ADCY7: variants seen among roughly 807,000 people sequenced by gnomAD.
The protein encoded by ADCY7 is adenylate cyclase 7.
ADCY7 carries 72 observed loss-of-function variants against 120.6 expected under a neutral mutation model. That is an observed-to-expected ratio of 0.60 (90% CI 0.49 to 0.73). The LOEUF is 0.73. ADCY7 is among the 30% of genes least tolerant of loss of function. ADCY7 has a pLI of 0.00. For missense variants in ADCY7, 1,227 were observed against 1,486.0 expected, an observed-to-expected ratio of 0.83 and a Z score of 2.87; for synonymous variants, 661 against 628.0, an observed-to-expected ratio of 1.05 and a Z score of -0.78.
At position 50,316,956 on chromosome 16, in the gene ADCY7, G is replaced by C. The variant is rs1375182427; in HGVS notation, c.*1451G>C. The stretch of plus-strand genomic sequence containing the variant: ...GTCTTGCATACAGGAGCCTTTACAA[G>C]ATGATTATACAGGGTTGCAGATTGG... On this transcript the variant is annotated 3_prime_UTR_variant, in exon 26 of 26. Coordinates refer to ENST00000673801, the MANE Select transcript of ADCY7 (RefSeq NM_001114.5). 1 of 152,756 alleles carries C rather than the reference G, an allele frequency of 6.5e-6. No homozygotes were observed. Among genetic ancestry groups the C allele is most frequent in the African/African-American group, 2.4e-5 (1 of 41,454 alleles). 9.5% of individuals were successfully genotyped at this position (152,756 alleles called of 1,614,324 possible). A position where few individuals can be genotyped will look rare whatever the true frequency, so the allele number is the denominator to read the frequency against.
At chr16:50,299,123 G>A in intron 8 of ADCY7, 92 bp downstream of exon 8, 1 of 1,447,500 alleles carries the variant, frequency 6.9e-7, no homozygotes, top group Non-Finnish European at 9.1e-7. Context: ...TGTCACAGAT[G>A]GGGAAACTGA....
At chr16:50,308,272 G>A (rs886220807) in intron 15 of ADCY7, 55 bp from the exon 16 acceptor site, 44 of 1,613,784 alleles carry the variant, frequency 2.7e-5, no homozygotes, top group East Asian at 4.5e-5. Flanking sequence ...TGGTGGGGGC[G>A]GTGGTCCTGG....
chr16:50,266,889 G>A (rs1242696984), intron 1 of ADCY7, among the ~76,000 whole-genome samples: 1 of 152,162 alleles, frequency 6.6e-6, no homozygotes, highest in Non-Finnish European at 1.5e-5. Context: ...GACCAGAGGC[G>A]ACTTGTCACT....
intron 1 of ADCY7, among the ~76,000 whole-genome samples, chr16:50,284,127 G>A (rs966514847): frequency 6.6e-5 from 10 of 152,128 alleles, no homozygotes; most frequent in African/African-American, 1.9e-4. Context: ...TGGCTTTGGC[G>A]GGGTGGCTCC....
chr16:50,304,541 G>A lies in ADCY7; in HGVS notation c.1550G>A (p.Arg517Gln), dbSNP rs1023797221. ...GGTGAGACCCACGTCCCCAACGGGCGGAGGCCTAAGGTAGGTCCCCCTCCC... is the reference window on the plus strand; with the variant it reads ...GGTGAGACCCACGTCCCCAACGGGCAGAGGCCTAAGGTAGGTCCCCCTCCC... ...SSGETHVPNG[R>Q]RPKSVPQRHR... Residue 517 changes from arginine to glutamine, a missense_variant, in exon 11 of 26, where the codon CGG becomes CAG. Transcript: ENST00000673801. The A allele has an allele frequency of 1.9e-6, 3 of 1,550,172 alleles. No homozygotes were observed. Among genetic ancestry groups the A allele is most frequent in the South Asian group, 1.2e-5 (1 of 82,090 alleles).
chr16:50,272,544 G>T (rs1596829648), intron 1 of ADCY7, among the ~76,000 whole-genome samples: 5 of 152,254 alleles, frequency 3.3e-5, no homozygotes. Context: ...TGCAGCCTTG[G>T]GGCTGGTGTG....
At chr16:50,308,499 T>C in intron 16 of ADCY7, 88 bp downstream of exon 16, 1 of 1,590,758 alleles carries the variant, frequency 6.3e-7, no homozygotes, top group African/African-American at 1.3e-5. Context: ...TTGGCTGGGC[T>C]GAGCCCCTGC....
chr16:50,315,776 G>A lies in ADCY7; in HGVS notation c.*271G>A, dbSNP rs1298854542. 5 of 370,900 alleles carry A rather than the reference G, an allele frequency of 1.3e-5. No homozygotes were observed. Among genetic ancestry groups the A allele is most frequent in the Admixed American group, 7.7e-5 (2 of 25,880 alleles). 23.0% of individuals were successfully genotyped at this position (370,900 alleles called of 1,614,324 possible). A position where few individuals can be genotyped will look rare whatever the true frequency, so the allele number is the denominator to read the frequency against. On this transcript the variant is annotated 3_prime_UTR_variant, in exon 26 of 26. Transcript: ENST00000673801. ...CCAGCTGGAGAATGTTCACTGGTTCGGGGCTGACTTTGAGATCTTTGTTCC... is the reference window on the plus strand; with the variant it reads ...CCAGCTGGAGAATGTTCACTGGTTCAGGGCTGACTTTGAGATCTTTGTTCC...
At chr16:50,267,638 C>G (rs944065651) in intron 1 of ADCY7, among the ~76,000 whole-genome samples, 1 of 152,040 alleles carries the variant, frequency 6.6e-6, no homozygotes, top group South Asian at 2.1e-4. Flanking sequence ...GAGTGAGGAC[C>G]GGGCTGCCCA....
rs373963634 is a variant in ADCY7, at chr16:50,309,607, C to T, written c.2121C>T (p.Ala707=). ...TTGGCAATGAGACAGGCCTACTGGC[C>T]GCGAGCAGCAAGACAAGAGCCCTGT... ...LPVGNETGLL[A]ASSKTRALCE... The change falls in exon 18 of 26, where the codon GCC becomes GCT. Residue 707 remains alanine (A), a synonymous_variant. Transcript: ENST00000673801. 3.5e-5 allele frequency: 56 copies of T among 1,612,820 alleles called. No individual in the cohort carries two copies. Among genetic ancestry groups the T allele is most frequent in the Middle Eastern group, 1.6e-4 (1 of 6,084 alleles).
rs375485220 is a variant in ADCY7, at chr16:50,308,802, G to A, written c.2061+10G>A. 6.7e-5 allele frequency: 107 copies of A among 1,600,668 alleles called. 1 individual carries two copies. In the Middle Eastern group the frequency reaches 8.3e-4, roughly 12 times the overall value. ...GGCCATCATCAACCTGGTGGGTCCC[G>A]TGGTGGGGAGGCAGGCCTCCGGGGT... is the stretch of plus-strand genomic sequence containing the variant. On this transcript the variant is annotated intron_variant, in intron 17 of 25. Transcript: ENST00000673801.
chr16:50,259,667 A>G (rs2033007714), intron 1 of ADCY7, among the ~76,000 whole-genome samples: 1 of 151,926 alleles, frequency 6.6e-6, no homozygotes, highest in Non-Finnish European at 1.5e-5. Context: ...TGGCATTGGA[A>G]CTCAGCCAAG....
intron 1 of ADCY7, among the ~76,000 whole-genome samples, chr16:50,284,480 T>A (rs973319532): frequency 3.3e-5 from 5 of 152,228 alleles, no homozygotes; most frequent in Non-Finnish European, 7.4e-5. Flanking sequence ...GTCCACACAC[T>A]CTCACACTTG....
rs1289741537 is a variant in ADCY7 at position 50,301,088 on chromosome 16, G to A, written c.1242G>A (p.Val414=). ...TGACTTGGGTCTCCCGTAGCCGGGT[G>A]CACATCACGGAGGCCACGCTAAAGC... ...RMEAAGVPGR[V]HITEATLKHL... Residue 414 remains valine, a synonymous_variant, in exon 10 of 26, where the codon GTG becomes GTA. Transcript: ENST00000673801. 1.2e-6 allele frequency: 2 copies of A among 1,613,650 alleles called. No individual in the cohort carries two copies. The highest frequency in any genetic ancestry group is 2.2e-5 in the East Asian group (1 of 44,874).
At chr16:50,263,823 T>A (rs2033121379), upstream of ADCY7, among the ~76,000 whole-genome samples, 1 of 151,374 alleles carries the variant, frequency 6.6e-6, no homozygotes, top group Non-Finnish European at 1.5e-5. Flanking sequence ...AGCGGCTCCA[T>A]CTCCACGCCG....
chr16:50,299,065 G>A, intron 8 of ADCY7, 34 bp downstream of exon 8: 1 of 1,576,194 alleles, frequency 6.3e-7, no homozygotes. Flanking sequence ...CCTGGGTCCT[G>A]CCCTGTGGCG....
At chr16:50,295,968 G>A (rs893695412) in intron 7 of ADCY7, among the ~76,000 whole-genome samples, 11 of 152,186 alleles carry the variant, frequency 7.2e-5, no homozygotes, top group African/African-American at 2.4e-4. Flanking sequence ...ATTTAAGGTG[G>A]TGGCTCCCTA....
chr16:50,294,793 C>A, intron 7 of ADCY7, 42 bp downstream of exon 7: 1 of 1,443,866 alleles, frequency 6.9e-7, no homozygotes, highest in Non-Finnish European at 9.7e-7. Flanking sequence ...AGGCCCCTCC[C>A]CTGCCTATTA....
chr16:50,254,581 C>G (rs750234558), intron 1 of ADCY7, among the ~76,000 whole-genome samples: 26 of 152,180 alleles, frequency 1.7e-4, no homozygotes, highest in Non-Finnish European at 2.5e-4. Flanking sequence ...GGTGAAAGAG[C>G]TGTATGCTGA....
Sources: allele counts gnomAD v4.1 joint callset (sites outside exome capture counted in the v4.1 genomes callset), GRCh38; gene constraint gnomAD v4.1.1; transcripts MANE v1.5; gene names NCBI Gene and HGNC (gene_info 2026-07-23, HGNC 2026-07-21).